Variants in RERE observed in about 807,000 individuals in gnomAD.
The protein encoded by RERE is arginine-glutamic acid dipeptide repeats protein.
In RERE, 40 loss-of-function variants were observed where a neutral mutation model predicts 146.1. The observed-to-expected ratio is 0.27, with a 90% CI of 0.21 to 0.36. The LOEUF (loss-of-function observed/expected upper bound fraction) is 0.36. RERE is among the 10% of genes least tolerant of loss of function. RERE has a pLI of 1.00. For missense variants in RERE, 1,933 were observed against 2,138.7 expected (o/e 0.90, Z 1.90); for synonymous variants, 1,003 against 866.0 (o/e 1.16, Z -2.78).
intron 12 of RERE, among the ~76,000 whole-genome samples, chr1:8,371,385 C>T (rs1195795667): frequency 2.0e-5 from 3 of 152,100 alleles, no homozygotes; most frequent in African/African-American, 4.8e-5. Flanking sequence ...CCATTAGGTT[C>T]CTTTAATTTC....
chr1:8,639,817 T>C (rs1647152992), intron 2 of RERE, among the ~76,000 whole-genome samples: 1 of 152,192 alleles, frequency 6.6e-6, no homozygotes, highest in Admixed American at 6.5e-5. Context: ...ATTGCCACAA[T>C]CAATTTGGTA....
chr1:8,542,747 C>T (rs1645814276), intron 6 of RERE, among the ~76,000 whole-genome samples: 1 of 152,170 alleles, frequency 6.6e-6, no homozygotes, highest in Admixed American at 6.5e-5. Context: ...TTCAAGTGAT[C>T]CTCCTGCCCT....
At chr1:8,795,342 T>C (rs1641448216) in intron 1 of RERE, among the ~76,000 whole-genome samples, 1 of 151,930 alleles carries the variant, frequency 6.6e-6, no homozygotes, top group Non-Finnish European at 1.5e-5. Context: ...TTTTTTTTCT[T>C]TTTAGGAGAC....
At chr1:8,559,280 CAA>C (rs548075266) in intron 4 of RERE, among the ~76,000 whole-genome samples, 395 of 12,050 alleles carry the variant, frequency 0.033, 2 homozygotes, top group African/African-American at 0.049. Flanking sequence ...AACTCCAGCT[CAA>C]AAAAAAAAAA....
At chr1:8,788,998 G>A (rs1228046051) in intron 1 of RERE, among the ~76,000 whole-genome samples, 2 of 151,892 alleles carry the variant, frequency 1.3e-5, no homozygotes. Context: ...AAGAAGCAAA[G>A]GAGGGGGAGA....
At position 8,362,687 on chromosome 1, in the gene RERE, G is replaced by C. The variant is rs1641633009; in HGVS notation, c.1898C>G (p.Ala633Gly). 6.2e-7 allele frequency: 1 copy of C among 1,614,118 alleles called. No homozygotes were observed. The highest frequency in any genetic ancestry group is 1.3e-5 in the African/African-American group (1 of 74,936). Residue 633 changes from alanine (A) to glycine (G), a missense_variant, in exon 16 of 23, where the codon GCC becomes GGC. This residue lies in a region of RERE where 1,255 missense variants were observed against 1,153.8 expected (regional missense o/e 1.09). Coordinates refer to ENST00000400908, the MANE Select transcript of RERE (RefSeq NM_001042681.2). ...ACTATCCCCCCAGCACCTGACCTTG[G>C]CCGACTTCTTCACTGTCTCTGCTTT... ...DSKAETVKKS[A>G]KKVKEEASSP...
chr1:8,357,291 G>A (rs1166434443), intron 20 of RERE, among the ~76,000 whole-genome samples: 1 of 152,356 alleles, frequency 6.6e-6, no homozygotes, highest in Non-Finnish European at 1.5e-5. Context: ...CTCATACTGA[G>A]GCTTGTAAGG....
chr1:8,501,178 C>A (rs1472326757), intron 8 of RERE, among the ~76,000 whole-genome samples: 1 of 150,176 alleles, frequency 6.7e-6, no homozygotes, highest in Non-Finnish European at 1.5e-5. Context: ...GCCCCCTGCC[C>A]GGCCAGCCGC....
At chr1:8,670,187 A>T (rs1203572904) in intron 1 of RERE, among the ~76,000 whole-genome samples, 2 of 152,252 alleles carry the variant, frequency 1.3e-5, no homozygotes. Flanking sequence ...TCATTCAAAA[A>T]GAAAAGCAGA....
chr1:8,746,865 G>C lies in RERE; in HGVS notation c.-145+70295C>G, dbSNP rs376245766. ...AGGGAGGGGAGAGAGAAGAGAGATGGGGGAACAAAAAAGAGAGAGAGAGAG... is the reference window on the plus strand; with the variant it reads ...AGGGAGGGGAGAGAGAAGAGAGATGCGGGAACAAAAAAGAGAGAGAGAGAG... On this transcript the variant is annotated intron_variant, in intron 1 of 22. Transcript: ENST00000400908. 1.1e-4 allele frequency among the ~76,000 whole-genome samples: 17 copies of C among 148,250 alleles called. No individual in the cohort carries two copies. In the South Asian group the frequency reaches 2.4e-3, roughly 21 times the overall value.
At chr1:8,757,891 T>C (rs1271870871) in intron 1 of RERE, among the ~76,000 whole-genome samples, 1 of 127,070 alleles carries the variant, frequency 7.9e-6, no homozygotes, top group East Asian at 2.7e-4. Context: ...TACATATGTA[T>C]ACACACACAC....
At chr1:8,504,581 C>A (rs1421775999) in intron 8 of RERE, among the ~76,000 whole-genome samples, 2 of 152,140 alleles carry the variant, frequency 1.3e-5, no homozygotes, top group East Asian at 3.9e-4. Flanking sequence ...TGGCCAGGCG[C>A]GGTGGCTCAG....
chr1:8,455,493 G>A (rs375571636), intron 11 of RERE, among the ~76,000 whole-genome samples: 7 of 152,194 alleles, frequency 4.6e-5, no homozygotes, highest in African/African-American at 1.4e-4. Flanking sequence ...GGCAATGAAC[G>A]AGTTTTTTTA....
rs560284314 is a variant in RERE at position 8,489,827 on chromosome 1, G to A, written c.1104+5236C>T. Among the ~76,000 whole-genome samples, 140 of 152,122 alleles carry A rather than the reference G, an allele frequency of 9.2e-4. 1 individual carries two copies. The highest frequency in any genetic ancestry group is 3.3e-3 in the African/African-American group (136 of 41,490). ...GCACTTCGGGAGGCCCAGGTGGGAG[G>A]ATCACGAGGTCAGGAGATCGAGATC... On this transcript the variant is annotated intron_variant, in intron 10 of 22. Transcript: ENST00000400908.
At chr1:8,762,221 C>A (rs1640769170) in intron 1 of RERE, among the ~76,000 whole-genome samples, 1 of 152,178 alleles carries the variant, frequency 6.6e-6, no homozygotes, top group African/African-American at 2.4e-5. Flanking sequence ...ATTTCAGCCT[C>A]CTATCACAAG....
intron 4 of RERE, among the ~76,000 whole-genome samples, chr1:8,584,326 C>A (rs947518584): frequency 6.6e-6 from 1 of 152,104 alleles, no homozygotes; most frequent in African/African-American, 2.4e-5. Flanking sequence ...GAGGCTCAGG[C>A]AGGAGGACAG....
chr1:8,431,476 A>G (rs1644094984), intron 11 of RERE, among the ~76,000 whole-genome samples: 1 of 152,222 alleles, frequency 6.6e-6, no homozygotes, highest in Non-Finnish European at 1.5e-5. Context: ...AGGGAGTTGT[A>G]TAATTAATTC....
At chr1:8,582,127 T>G (rs956368344) in intron 4 of RERE, among the ~76,000 whole-genome samples, 1 of 152,132 alleles carries the variant, frequency 6.6e-6, no homozygotes, top group Admixed American at 6.5e-5. Context: ...TCCTCAAATC[T>G]CCAACCTCAG....
intron 1 of RERE, among the ~76,000 whole-genome samples, chr1:8,664,056 C>T (rs540884612): frequency 1.9e-4 from 29 of 152,304 alleles, no homozygotes; most frequent in African/African-American, 6.7e-4. Context: ...TGTTAACTTA[C>T]ATCACTTCCC....
Sources: allele counts gnomAD v4.1 joint callset (sites outside exome capture counted in the v4.1 genomes callset), GRCh38; gene constraint gnomAD v4.1.1; regional missense constraint gnomAD v4.1.1; transcripts MANE v1.5; gene names NCBI Gene and HGNC (gene_info 2026-07-23, HGNC 2026-07-21).